The following DCAF6 variants were observed in gnomAD, a reference collection of about 807,000 sequenced individuals.
DCAF6 encodes the protein DDB1 and CUL4 associated factor 6.
In DCAF6, 54 loss-of-function variants were observed where a neutral mutation model predicts 125.1. That is an observed-to-expected ratio of 0.43 (90% CI 0.35 to 0.54). The LOEUF (loss-of-function observed/expected upper bound fraction) is 0.54, where lower values mean the gene tolerates loss of function less well. Among genes scored for constraint, DCAF6 ranks in the 20% least tolerant of loss-of-function variants. The pLI is 0.01. For missense variants in DCAF6, 934 were observed against 1,161.7 expected (o/e 0.80, Z 2.85); for synonymous variants, 371 against 390.4 (o/e 0.95, Z 0.58).
chr1:167,888,885 A>G, the DCAF6 span, among the ~76,000 whole-genome samples: 10 of 151,324 alleles, frequency 6.6e-5, no homozygotes, highest in Admixed American at 5.3e-4. Flanking sequence ...CAAAAAAAAA[A>G]AAAAAGAAAA....
At chr1:167,957,233 C>G (rs1378870293) in intron 2 of DCAF6, among the ~76,000 whole-genome samples, 2 of 152,012 alleles carry the variant, frequency 1.3e-5, no homozygotes, top group Non-Finnish European at 2.9e-5. Context: ...ATTTTATCAT[C>G]TGAAAAAGAG....
the DCAF6 span, chr1:167,914,055 G>C: frequency 6.6e-6 from 1 of 152,298 alleles, no homozygotes; most frequent in African/African-American, 2.4e-5. Context: ...GACAGGAGAG[G>C]AGGCCGGGTG....
intron 13 of DCAF6, among the ~76,000 whole-genome samples, chr1:168,039,904 A>G (rs1015300626): frequency 6.6e-6 from 1 of 151,752 alleles, no homozygotes; most frequent in Non-Finnish European, 1.5e-5. Context: ...ATACTATTGG[A>G]TATCTTCTAT....
At chr1:168,055,996 A>G (rs1690690188) in intron 17 of DCAF6, 2 of 1,606,992 alleles carry the variant, frequency 1.2e-6, no homozygotes, top group Admixed American at 3.3e-5. Context: ...TTGATCAGCC[A>G]ACCATCTTCA....
chr1:167,948,441 G>T (rs903706987), intron 1 of DCAF6, among the ~76,000 whole-genome samples: 2 of 152,106 alleles, frequency 1.3e-5, no homozygotes, highest in Non-Finnish European at 2.9e-5. Flanking sequence ...AGTGTAGTAT[G>T]TTCAAGTCAG....
chr1:167,996,699 C>T (rs532247406), intron 7 of DCAF6, among the ~76,000 whole-genome samples: 3 of 152,254 alleles, frequency 2.0e-5, no homozygotes, highest in African/African-American at 7.2e-5. Flanking sequence ...CTAATTATTA[C>T]TTCTACTGTT....
chr1:168,002,400 A>T, intron 7 of DCAF6, 82 bp from the exon 8 acceptor site: 1 of 1,203,422 alleles, frequency 8.3e-7, no homozygotes, highest in Non-Finnish European at 1.2e-6. Context: ...AGATGGAAAT[A>T]AATAGACATA....
At chr1:167,871,598 A>C in the DCAF6 span, among the ~76,000 whole-genome samples, 4 of 152,258 alleles carry the variant, frequency 2.6e-5, no homozygotes, top group African/African-American at 4.8e-5. Context: ...TTGAGAGCTA[A>C]CTATTCCTTC....
the DCAF6 span, chr1:167,880,116 T>G: frequency 3.1e-6 from 5 of 1,611,480 alleles, no homozygotes; most frequent in Non-Finnish European, 8.5e-7. Context: ...CCAGCACACC[T>G]GTGTACTCGT....
At chr1:167,905,366 C>A in the DCAF6 span, among the ~76,000 whole-genome samples, 2 of 152,160 alleles carry the variant, frequency 1.3e-5, no homozygotes, top group East Asian at 1.9e-4. Flanking sequence ...AGAGGAAGAA[C>A]CCTCCCACCC....
chr1:168,052,572 A>G (rs1690079781), intron 17 of DCAF6, among the ~76,000 whole-genome samples: 1 of 152,204 alleles, frequency 6.6e-6, no homozygotes, highest in Non-Finnish European at 1.5e-5. Flanking sequence ...TAGCTATTAG[A>G]GATGTTCAAA....
chr1:167,999,985 C>T (rs1682345832), intron 7 of DCAF6, among the ~76,000 whole-genome samples: 1 of 152,150 alleles, frequency 6.6e-6, no homozygotes, highest in Non-Finnish European at 1.5e-5. Context: ...AACATGCTTT[C>T]CTCACTTAGC....
At chr1:168,073,966 TGA>T (rs1693470548) in intron 21 of DCAF6, among the ~76,000 whole-genome samples, 1 of 144,052 alleles carries the variant, frequency 6.9e-6, no homozygotes. Context: ...AAATATGTAT[TGA>T]ATACATATTT....
intron 3 of DCAF6, among the ~76,000 whole-genome samples, chr1:167,972,018 G>C (rs1465146858): frequency 6.6e-6 from 1 of 152,066 alleles, no homozygotes; most frequent in Non-Finnish European, 1.5e-5. Context: ...ACCATACCCG[G>C]CTAATTTTTG....
chr1:167,984,975 A>G (rs983746664), intron 4 of DCAF6, among the ~76,000 whole-genome samples: 1 of 152,190 alleles, frequency 6.6e-6, no homozygotes, highest in Non-Finnish European at 1.5e-5. Context: ...GGTGAAAGGC[A>G]TGTCTCACAT....
At chr1:167,993,099 A>G (rs1681105382) in intron 6 of DCAF6, 127 bp from the exon 7 acceptor site, 1 of 848,678 alleles carries the variant, frequency 1.2e-6, no homozygotes, top group Non-Finnish European at 1.8e-6. Context: ...TCTACTGGAA[A>G]TAAACGTGAT....
At chr1:168,009,342 C>A (rs1016557221) in intron 10 of DCAF6, among the ~76,000 whole-genome samples, 3 of 131,566 alleles carry the variant, frequency 2.3e-5, no homozygotes, top group Non-Finnish European at 3.2e-5. Context: ...TTCCTTCCTT[C>A]CTCCCTTCCT....
intron 12 of DCAF6, among the ~76,000 whole-genome samples, chr1:168,033,049 T>C (rs890911719): frequency 6.6e-6 from 1 of 152,156 alleles, no homozygotes; most frequent in East Asian, 1.9e-4. Context: ...TGTTTTTGTA[T>C]GTCTTTGAGC....
In DCAF6 at chr1:168,055,331, GTTTTTTTT is replaced by G. The variant is rs554861802; in HGVS notation, c.2300+4420_2300+4427del. On this transcript the variant is annotated intron_variant, in intron 17 of 21. Coordinates refer to ENST00000367840, the MANE Select transcript of DCAF6 (RefSeq NM_001198956.2). Reference sequence around the variant, plus strand: ...TTGAATTGAAAAAAATCAGGCTTAAGTTTTTTTTTTTTTTTTTTTTTTTTTTTTTAACG... The same window carrying G: ...TTGAATTGAAAAAAATCAGGCTTAAGTTTTTTTTTTTTTTTTTTTTTAACG... 4.7e-4 allele frequency among the ~76,000 whole-genome samples: 15 copies of G among 31,628 alleles called. 2 individuals carry two copies. Among genetic ancestry groups the G allele is most frequent in the East Asian group, 3.6e-3 (4 of 1,100 alleles). The allele number at this position is 31,628 out of a possible 152,430, so 20.7% of individuals were successfully genotyped here. A position where few individuals can be genotyped will look rare whatever the true frequency, so the allele number is the denominator to read the frequency against.
Sources: allele counts gnomAD v4.1 joint callset (sites outside exome capture counted in the v4.1 genomes callset), GRCh38; gene constraint gnomAD v4.1.1; transcripts MANE v1.5; gene names NCBI Gene and HGNC (gene_info 2026-07-23, HGNC 2026-07-21).